The following NCAPD3 variants were observed in gnomAD, a reference collection of about 807,000 sequenced individuals.
The protein encoded by NCAPD3 is condensin-2 complex subunit D3.
A neutral mutation model predicts 182.9 loss-of-function variants in NCAPD3; 105 were observed. The ratio of observed to expected loss-of-function variants is 0.57; its 90% CI spans 0.49 to 0.68. The LOEUF is 0.68. Ranked by LOEUF, NCAPD3 falls within the 30% of genes least tolerant of loss-of-function variation. NCAPD3 has a pLI of 0.00. For missense variants in NCAPD3, 1,944 were observed against 1,837.0 expected, an observed-to-expected ratio of 1.06 and a Z score of -1.07; for synonymous variants, 815 against 679.9, an observed-to-expected ratio of 1.20 and a Z score of -3.09.
Position 134,159,907 on chromosome 11 carries a change from C to T in NCAPD3, c.3852G>A (p.Val1284=). 3.1e-6 allele frequency: 5 copies of T among 1,612,950 alleles called. No individual in the cohort carries two copies. Among genetic ancestry groups the T allele is most frequent in the Non-Finnish European group, 4.2e-6 (5 of 1,179,874 alleles). Residue 1284 remains valine, a synonymous_variant, in exon 29 of 35, where the codon GTG becomes GTA. Coordinates refer to ENST00000534548, the MANE Select transcript of NCAPD3 (RefSeq NM_015261.3). ...DVAGTAGGAE[V]APVAQVALCL... ...CCACACCTACCTGTGCCACAGGTGC[C>T]ACCTCAGCACCTCCAGCCGTCCCGG...
chr11:134,155,099 C>T (rs766443960), intron 32 of NCAPD3, among the ~76,000 whole-genome samples: 19 of 152,288 alleles, frequency 1.2e-4, no homozygotes, highest in Non-Finnish European at 2.1e-4. Context: ...AAGGCAGCAG[C>T]GTCTGTGCCA....
At chr11:134,191,168 C>T (rs1433189934) in intron 16 of NCAPD3, among the ~76,000 whole-genome samples, 1 of 152,118 alleles carries the variant, frequency 6.6e-6, no homozygotes, top group East Asian at 1.9e-4. Flanking sequence ...AACCTGATTC[C>T]AGGTTTAATA....
At chr11:134,183,756 T>C (rs1026691898) in intron 19 of NCAPD3, among the ~76,000 whole-genome samples, 11 of 152,138 alleles carry the variant, frequency 7.2e-5, no homozygotes, top group African/African-American at 2.7e-4. Context: ...GTTACAATCA[T>C]TGTTTTAGTT....
At chr11:134,156,814 C>T (rs545362638) in intron 32 of NCAPD3, 154 of 465,714 alleles carry the variant, frequency 3.3e-4, no homozygotes, top group Middle Eastern at 5.5e-4. Flanking sequence ...CTGAATGTAA[C>T]GACACTGGAA....
At chr11:134,165,375 G>A (rs913391115) in intron 27 of NCAPD3, among the ~76,000 whole-genome samples, 4 of 151,138 alleles carry the variant, frequency 2.6e-5, no homozygotes, top group Admixed American at 6.6e-5. Flanking sequence ...GCACTCGTGA[G>A]ATAAGCTTCG....
chr11:134,215,702 T>C (rs904004317), intron 3 of NCAPD3, among the ~76,000 whole-genome samples: 2 of 152,174 alleles, frequency 1.3e-5, no homozygotes, highest in African/African-American at 4.8e-5. Context: ...CTAATGTTGT[T>C]AAATTGGCAA....
In NCAPD3 at chr11:134,153,051, G is replaced by A. The variant is rs1378979637; in HGVS notation, c.4390C>T (p.Pro1464Ser). The part of the protein sequence containing the change: ...ILCLSLPDKP[P>S]PQPQQWNVRS... Reference sequence around the variant, plus strand: ...ACATTCCACTGCTGAGGCTGTGGGGGCCTAGGGAAAGGACATGTGCAGTCA... The same window carrying A: ...ACATTCCACTGCTGAGGCTGTGGGGACCTAGGGAAAGGACATGTGCAGTCA... Residue 1464 changes from proline to serine, a missense_variant and splice_region_variant, in exon 35 of 35, where the codon CCC becomes TCC. Physicochemically the swap from Pro to Ser is moderately conservative, Grantham distance 74 (BLOSUM62 -1). This residue lies in a region of NCAPD3 where 1,803 missense variants were observed against 1,674.6 expected (regional missense o/e 1.08). Transcript: ENST00000534548. 3.1e-6 allele frequency: 5 copies of A among 1,605,112 alleles called. No individual in the cohort carries two copies. The highest frequency in any genetic ancestry group is 3.4e-6 in the Non-Finnish European group (4 of 1,173,668).
At chr11:134,212,116 G>A (rs1937854561) in intron 3 of NCAPD3, among the ~76,000 whole-genome samples, 1 of 152,136 alleles carries the variant, frequency 6.6e-6, no homozygotes. Context: ...TCTTGAAGGT[G>A]AAATAAAGAT....
intron 24 of NCAPD3, among the ~76,000 whole-genome samples, chr11:134,174,398 A>AG (rs1944106513): frequency 6.6e-6 from 1 of 150,852 alleles, no homozygotes; most frequent in African/African-American, 2.4e-5. Context: ...AAAAAAAAAA[A>AG]AAAAAAAAGC....
intron 27 of NCAPD3, among the ~76,000 whole-genome samples, chr11:134,166,876 C>G (rs76908167): frequency 1.5e-5 from 1 of 66,214 alleles, no homozygotes; most frequent in Non-Finnish European, 2.8e-5. Flanking sequence ...TTAGGGGAGG[C>G]GCACACTCAC....
rs146594556 is a variant in NCAPD3, at chr11:134,181,173, C to A, written c.2463G>T (p.Thr821=). 1 of 1,613,516 alleles carries A rather than the reference C, an allele frequency of 6.2e-7. No homozygotes were observed. The highest frequency in any genetic ancestry group is 1.7e-5 in the Admixed American group (1 of 59,996). The stretch of plus-strand genomic sequence containing the variant: ...TGGAGAGTACATCCCCACACACCTG[C>A]GTCAGCAATTCCTACGGCAAGTCAA... ...ETPAEEQELL[T]QVCGDVLSTC... The change falls in exon 20 of 35, where the codon ACG becomes ACT. Residue 821 remains threonine, a synonymous_variant. Coordinates refer to ENST00000534548, the MANE Select transcript of NCAPD3 (RefSeq NM_015261.3).
chr11:134,164,507 G>C (rs190679303), intron 27 of NCAPD3, among the ~76,000 whole-genome samples: 1 of 152,350 alleles, frequency 6.6e-6, no homozygotes, highest in Non-Finnish European at 1.5e-5. Context: ...ATTCCAGGGA[G>C]AACACGGAAG....
intron 27 of NCAPD3, among the ~76,000 whole-genome samples, chr11:134,165,507 C>T (rs865969532): frequency 1.8e-4 from 21 of 115,094 alleles, no homozygotes; most frequent in Admixed American, 3.6e-4. Flanking sequence ...GATGAGCTTA[C>T]GGGAGCAGCA....
intron 1 of NCAPD3, among the ~76,000 whole-genome samples, chr11:134,221,774 C>A (rs1938238383): frequency 6.6e-6 from 1 of 152,172 alleles, no homozygotes; most frequent in African/African-American, 2.4e-5. Flanking sequence ...AAATGAAAGG[C>A]CTTACACTCA....
chr11:134,156,887 A>C (rs1023788165), intron 32 of NCAPD3, 131 bp downstream of exon 32: 1 of 751,964 alleles, frequency 1.3e-6, no homozygotes, highest in East Asian at 2.6e-5. Flanking sequence ...ACTCCACCTC[A>C]GCAATGCACT....
chr11:134,178,877 C>T lies in NCAPD3; in HGVS notation c.2619G>A (p.Lys873=). ...IAQLCPARVE[K]RIFLLIQSVL... is the part of the protein sequence containing the mutation. ...CGGACTGAATCAGAAGGAAGATGCG[C>T]TTCTCCACCCTGGCTGGACACAGCT... Residue 873 remains lysine (K), a synonymous_variant, in exon 21 of 35, where the codon AAG becomes AAA. Coordinates refer to ENST00000534548, the MANE Select transcript of NCAPD3 (RefSeq NM_015261.3). 1 of 1,614,176 alleles carries T rather than the reference C, an allele frequency of 6.2e-7. No individual in the cohort carries two copies. The highest frequency in any genetic ancestry group is 1.3e-5 in the African/African-American group (1 of 75,050).
chr11:134,199,630 T>C (rs1944706946), intron 13 of NCAPD3, among the ~76,000 whole-genome samples: 1 of 152,194 alleles, frequency 6.6e-6, no homozygotes, highest in Non-Finnish European at 1.5e-5. Flanking sequence ...GAGTCTCCAG[T>C]GTACTGTACT....
At chr11:134,172,995 A>C (rs1384766892) in intron 24 of NCAPD3, 1 of 156,850 alleles carries the variant, frequency 6.4e-6, no homozygotes, top group Non-Finnish European at 1.4e-5. Flanking sequence ...AAAAAAAAAA[A>C]AAAAAAAGTC....
At chr11:134,224,505 T>C (rs7130894), upstream of NCAPD3, 65,282 of 152,542 alleles carry the variant, frequency 0.43, 16,388 homozygotes, top group African/African-American at 0.71. Context: ...CCCAGCGAGG[T>C]AGCAGCTGCC....
Sources: gnomAD v4.1 joint callset for allele counts (sites outside exome capture counted in the v4.1 genomes callset) on GRCh38, gnomAD v4.1.1 for gene constraint, gnomAD v4.1.1 regional missense constraint, MANE v1.5 for transcripts, NCBI Gene and HGNC (gene_info 2026-07-23, HGNC 2026-07-21) for gene names.